Variants in CCDC7 observed in about 807,000 individuals in gnomAD.
CCDC7 encodes coiled-coil domain containing 7.
Under a neutral mutation model 196.9 loss-of-function variants are expected in CCDC7, and 183 were observed. The ratio of observed to expected loss-of-function variants is 0.93; its 90% CI spans 0.82 to 1.05. The LOEUF (loss-of-function observed/expected upper bound fraction) is 1.05, where lower values mean the gene tolerates loss of function less well. Among genes scored for constraint, CCDC7 ranks in the 50% least tolerant of loss-of-function variants. The pLI, the probability that CCDC7 is intolerant of heterozygous loss-of-function variation, is 0.00. For missense variants in CCDC7, 1,540 were observed against 1,482.2 expected, an observed-to-expected ratio of 1.04 and a Z score of -0.64; for synonymous variants, 525 against 484.6, an observed-to-expected ratio of 1.08 and a Z score of -1.10.
chr10:32,480,904 GT>G (rs2134124893), intron 8 of CCDC7, among the ~76,000 whole-genome samples: 1 of 152,226 alleles, frequency 6.6e-6, no homozygotes, highest in Admixed American at 6.5e-5. Flanking sequence ...TTCCTTATTT[GT>G]TTTCTGTCTG....
rs1393665097 is a variant in CCDC7, at chr10:32,758,406, C to G, written c.2906-20571C>G. On this transcript the variant is annotated intron_variant, in intron 28 of 41. Coordinates refer to ENST00000639629, the Ensembl canonical transcript of CCDC7. ...ACATCAAAAACTTATCCACCATGAT[C>G]AAGTTGGCTTCATCCCTGCGATGGA... 2.6e-5 allele frequency among the ~76,000 whole-genome samples: 4 copies of G among 152,304 alleles called. No individual in the cohort carries two copies. In the East Asian group the frequency reaches 7.7e-4, roughly 29 times the overall value.
intron 21 of CCDC7, among the ~76,000 whole-genome samples, chr10:32,685,210 AT>A (rs35021847): frequency 6.9e-6 from 1 of 144,490 alleles, no homozygotes. Context: ...TCTTTTTTGG[AT>A]TTTTTTTTTT....
At chr10:32,843,086 A>G (rs2093071639) in intron 33 of CCDC7, among the ~76,000 whole-genome samples, 1 of 151,956 alleles carries the variant, frequency 6.6e-6, no homozygotes, top group Non-Finnish European at 1.5e-5. Context: ...AAACCTATTG[A>G]AATAAAAAAA....
chr10:32,711,701 A>G (rs1344735157), exon 25 of CCDC7: 3 of 1,587,936 alleles, frequency 1.9e-6, no homozygotes, highest in South Asian at 2.3e-5. Context: ...TTAGAGATTC[A>G]AGAAACTTCT....
intron 31 of CCDC7, among the ~76,000 whole-genome samples, chr10:32,822,785 A>C (rs1392892028): frequency 6.6e-6 from 1 of 152,198 alleles, no homozygotes; most frequent in Admixed American, 6.5e-5. Context: ...TTAAAAATAT[A>C]CACATTTTTA....
At chr10:32,766,253 C>T (rs1485722845) in intron 28 of CCDC7, among the ~76,000 whole-genome samples, 1 of 151,798 alleles carries the variant, frequency 6.6e-6, no homozygotes, top group Admixed American at 6.6e-5. Context: ...TCCTACTACC[C>T]AAAAAAACAG....
intron 28 of CCDC7, among the ~76,000 whole-genome samples, chr10:32,774,445 G>A (rs1052852302): frequency 6.6e-6 from 1 of 152,104 alleles, no homozygotes; most frequent in African/African-American, 2.4e-5. Context: ...TCCCACACTG[G>A]GAACCATGTG....
At chr10:32,662,346 A>G (rs2071659777) in intron 20 of CCDC7, among the ~76,000 whole-genome samples, 1 of 152,162 alleles carries the variant, frequency 6.6e-6, no homozygotes, top group African/African-American at 2.4e-5. Context: ...TTTGGTTCCT[A>G]CTAAGGTGCT....
intron 18 of CCDC7, among the ~76,000 whole-genome samples, chr10:32,585,691 C>T (rs1347552487): frequency 1.6e-4 from 24 of 152,124 alleles, no homozygotes; most frequent in Non-Finnish European, 1.5e-5. Flanking sequence ...CACGTCCCTG[C>T]AAAGGATGTG....
At chr10:32,526,043 A>G (rs929404744) in intron 11 of CCDC7, among the ~76,000 whole-genome samples, 1 of 152,156 alleles carries the variant, frequency 6.6e-6, no homozygotes, top group Non-Finnish European at 1.5e-5. Flanking sequence ...GTGTTCAGAG[A>G]TGCTGGCTGG....
At chr10:32,827,390 G>A (rs1272438553) in intron 32 of CCDC7, among the ~76,000 whole-genome samples, 1 of 152,184 alleles carries the variant, frequency 6.6e-6, no homozygotes, top group African/African-American at 2.4e-5. Flanking sequence ...GGGAAGGGCA[G>A]AGGTTTGTCC....
intron 34 of CCDC7, 24 bp from the exon 36 acceptor site, chr10:32,845,519 C>T (rs1256432587): frequency 1.9e-6 from 3 of 1,551,092 alleles, no homozygotes; most frequent in African/African-American, 1.4e-5. Context: ...ACAAAATATA[C>T]TGAAATCTGT....
chr10:32,506,774 C>T (rs920121494), intron 9 of CCDC7, among the ~76,000 whole-genome samples: 1 of 139,456 alleles, frequency 7.2e-6, no homozygotes, highest in African/African-American at 3.4e-5. Flanking sequence ...ATCACGGGAG[C>T]CCGAGGCAGG....
chr10:32,800,109 T>C (rs2134990105), intron 29 of CCDC7, among the ~76,000 whole-genome samples: 1 of 152,280 alleles, frequency 6.6e-6, no homozygotes, highest in South Asian at 2.1e-4. Context: ...CTTACGATAA[T>C]CCACTATCAT....
intron 9 of CCDC7, among the ~76,000 whole-genome samples, chr10:32,494,333 T>C (rs1163405618): frequency 1.3e-5 from 2 of 152,138 alleles, no homozygotes; most frequent in African/African-American, 2.4e-5. Flanking sequence ...CAGTTGATCA[T>C]ATATATGTAA....
chr10:32,627,973 T>C (rs2064292205), intron 18 of CCDC7, among the ~76,000 whole-genome samples: 1 of 152,044 alleles, frequency 6.6e-6, no homozygotes, highest in African/African-American at 2.4e-5. Flanking sequence ...TCAGTAATTT[T>C]TTTTTCTTGT....
At chr10:32,531,294 C>A (rs928736133) in intron 11 of CCDC7, among the ~76,000 whole-genome samples, 2 of 151,960 alleles carry the variant, frequency 1.3e-5, no homozygotes, top group Non-Finnish European at 2.9e-5. Flanking sequence ...GGCTATTGTT[C>A]TTTATCTTTT....
intron 13 of CCDC7, among the ~76,000 whole-genome samples, chr10:32,547,161 G>A (rs1395630270): frequency 2.0e-5 from 3 of 152,028 alleles, no homozygotes; most frequent in Admixed American, 2.0e-4. Context: ...AGGACTACAG[G>A]CATGCACCAT....
chr10:32,703,354 C>T (rs2079097385), intron 24 of CCDC7, among the ~76,000 whole-genome samples: 1 of 152,068 alleles, frequency 6.6e-6, no homozygotes, highest in African/African-American at 2.4e-5. Flanking sequence ...CCACTCTCTT[C>T]CGGCTTGTAG....
Sources: gnomAD v4.1 joint callset for allele counts (sites outside exome capture counted in the v4.1 genomes callset) on GRCh38, gnomAD v4.1.1 for gene constraint, MANE v1.5 for transcripts, NCBI Gene and HGNC (gene_info 2026-07-23, HGNC 2026-07-21) for gene names.